CPEB1: variants seen among roughly 807,000 people sequenced by gnomAD.
The protein encoded by CPEB1 is cytoplasmic polyadenylation element binding protein 1, also known as cytoplasmic polyadenylation element-binding protein 1.
CPEB1 carries 7 observed loss-of-function variants against 65.8 expected under a neutral mutation model. The ratio of observed to expected loss-of-function variants is 0.11; its 90% CI spans 0.06 to 0.20. The LOEUF (loss-of-function observed/expected upper bound fraction) is 0.20. CPEB1 is among the 10% of genes least tolerant of loss of function. The pLI is 1.00. For synonymous variants in CPEB1, 262 were observed against 260.0 expected (o/e 1.01, Z -0.08); for missense variants, 551 against 712.2 (o/e 0.77, Z 2.58).
chr15:82,599,122 G>C (rs2042898161), intron 3 of CPEB1, among the ~76,000 whole-genome samples: 1 of 152,146 alleles, frequency 6.6e-6, no homozygotes, highest in Non-Finnish European at 1.5e-5. Context: ...CTGATTGGTA[G>C]AATGTTCACA....
At chr15:82,624,333 C>T (rs1298835142) in intron 3 of CPEB1, among the ~76,000 whole-genome samples, 1 of 152,136 alleles carries the variant, frequency 6.6e-6, no homozygotes, top group Admixed American at 6.5e-5. Flanking sequence ...TCCTTGAGTT[C>T]CCTTAAATCT....
intron 12 of CPEB1, among the ~76,000 whole-genome samples, chr15:82,545,153 C>T (rs1051528810): frequency 2.0e-5 from 3 of 152,170 alleles, no homozygotes; most frequent in East Asian, 1.9e-4. Flanking sequence ...TCAGTCTAGT[C>T]CCATCTCTTG....
rs976473226 is a variant in CPEB1, at chr15:82,548,688, C to G, written c.1480+772G>C. On this transcript the variant is annotated intron_variant, in intron 10 of 12. Coordinates refer to ENST00000684509, the MANE Select transcript of CPEB1 (RefSeq NM_001365242.1). ...GCACTCTGGAGACCTATTAAGAGAG[C>G]TGGAAGAAGCCCCATCCTGCCAAGT... is the stretch of plus-strand genomic sequence containing the variant. The G allele has an allele frequency of 8.8e-6, 4 of 455,584 alleles. No individual in the cohort carries two copies. The Admixed American group carries it at 9.4e-5, about 11-fold the overall frequency. 28.2% of individuals were successfully genotyped at this position (455,584 alleles called of 1,614,324 possible). A position where few individuals can be genotyped will look rare whatever the true frequency, so the allele number is the denominator to read the frequency against.
intron 3 of CPEB1, among the ~76,000 whole-genome samples, chr15:82,615,494 T>C (rs2044624747): frequency 6.6e-6 from 1 of 152,136 alleles, no homozygotes; most frequent in African/African-American, 2.4e-5. Flanking sequence ...TTATATAATA[T>C]GCATGGAATG....
chr15:82,566,841 T>C (rs2039211908), intron 4 of CPEB1, among the ~76,000 whole-genome samples: 1 of 152,102 alleles, frequency 6.6e-6, no homozygotes, highest in Admixed American at 6.6e-5. Context: ...CTCCACTGTA[T>C]GATGAAAACT....
chr15:82,609,623 T>C (rs1397526609), intron 3 of CPEB1, among the ~76,000 whole-genome samples: 3 of 150,600 alleles, frequency 2.0e-5, no homozygotes, highest in African/African-American at 7.3e-5. Context: ...GTCGAAATAA[T>C]GTCTAGAAAA....
intron 3 of CPEB1, among the ~76,000 whole-genome samples, chr15:82,621,208 T>C (rs934188404): frequency 6.6e-6 from 1 of 152,046 alleles, no homozygotes; most frequent in African/African-American, 2.4e-5. Flanking sequence ...AGTCAAAAAT[T>C]CAACATTAGT....
At chr15:82,554,405 T>A (rs1479553489) in intron 6 of CPEB1, among the ~76,000 whole-genome samples, 4 of 152,198 alleles carry the variant, frequency 2.6e-5, no homozygotes, top group African/African-American at 9.6e-5. Flanking sequence ...ATGGGCCTTC[T>A]CCCCAATGTT....
chr15:82,544,736 C>T, intron 12 of CPEB1, 34 bp from the exon 13 acceptor site: 1 of 1,506,082 alleles, frequency 6.6e-7, no homozygotes, highest in Non-Finnish European at 9.2e-7. Context: ...GGATGCCATG[C>T]CTGTGTCAGC....
At position 82,554,009 on chromosome 15, in the gene CPEB1, GA is replaced by G. The variant is rs771946311; in HGVS notation, c.941-19del. On this transcript the variant is annotated intron_variant, in intron 6 of 12. Transcript: ENST00000684509. ...ATTCACAGCTTTGGTAGATGGCAAA[GA>G]GATAAACAGGGGAGGTTAGAGAATC... 1.8e-4 allele frequency: 257 copies of G among 1,466,832 alleles called. No homozygotes were observed. The highest frequency in any genetic ancestry group is 2.4e-4 in the Non-Finnish European group (250 of 1,059,926). 90.9% of individuals were successfully genotyped at this position (1,466,832 alleles called of 1,614,324 possible). A position where few individuals can be genotyped will look rare whatever the true frequency, so the allele number is the denominator to read the frequency against.
At chr15:82,586,764 T>G (rs760570228) in intron 3 of CPEB1, among the ~76,000 whole-genome samples, 22 of 152,218 alleles carry the variant, frequency 1.4e-4, no homozygotes, top group Non-Finnish European at 2.9e-5. Flanking sequence ...TACACTCCCC[T>G]CTATACTTAG....
At chr15:82,643,601 C>G (rs141421865) in intron 1 of CPEB1, among the ~76,000 whole-genome samples, 1 of 151,076 alleles carries the variant, frequency 6.6e-6, no homozygotes, top group African/African-American at 2.4e-5. Flanking sequence ...TGCACTCCAG[C>G]TTGGGCAACA....
chr15:82,638,912 A>G (rs2046881076), intron 1 of CPEB1, among the ~76,000 whole-genome samples: 1 of 152,230 alleles, frequency 6.6e-6, no homozygotes, highest in African/African-American at 2.4e-5. Flanking sequence ...GTTTAATGGC[A>G]TTGCCCTGAT....
At chr15:82,565,324 A>G (rs943376011) in intron 4 of CPEB1, among the ~76,000 whole-genome samples, 5 of 152,316 alleles carry the variant, frequency 3.3e-5, no homozygotes, top group African/African-American at 9.6e-5. Context: ...GACAAAGGGA[A>G]GTGGGGGGAC....
chr15:82,565,182 A>C lies in CPEB1; in HGVS notation c.460+6162T>G, dbSNP rs149585041. Among the ~76,000 whole-genome samples the C allele has an allele frequency of 5.5e-3, 831 of 152,288 alleles. 3 individuals are homozygous for C. Among genetic ancestry groups the C allele is most frequent in the Admixed American group, 0.012 (184 of 15,296 alleles). ...ACAAGTGAATTTTGTGGAAACTGCC[A>C]CCCATGGTCAGATGCCCTAGAGTGA... On this transcript the variant is annotated intron_variant, in intron 4 of 12. Coordinates refer to ENST00000684509, the MANE Select transcript of CPEB1 (RefSeq NM_001365242.1).
chr15:82,573,919 T>C (rs1250294756), intron 3 of CPEB1, among the ~76,000 whole-genome samples: 4 of 152,098 alleles, frequency 2.6e-5, no homozygotes, highest in Non-Finnish European at 5.9e-5. Context: ...GTGAAAGCCA[T>C]GACTGCACCA....
chr15:82,561,856 C>G (rs1326032976), intron 4 of CPEB1, among the ~76,000 whole-genome samples: 3 of 152,194 alleles, frequency 2.0e-5, no homozygotes, highest in African/African-American at 7.2e-5. Context: ...AAAACCCACG[C>G]TGGTCACTAA....
chr15:82,640,659 C>T (rs2047028704), intron 1 of CPEB1: 1 of 152,102 alleles, frequency 6.6e-6, no homozygotes, highest in Non-Finnish European at 1.5e-5. Flanking sequence ...TAACATACCT[C>T]AGATAGATAC....
At chr15:82,628,321 T>C (rs575752196) in intron 2 of CPEB1, 43 bp downstream of exon 2, 2 of 702,456 alleles carry the variant, frequency 2.8e-6, no homozygotes, top group East Asian at 5.4e-5. Flanking sequence ...GGAGTGAAGA[T>C]TTCCAAGACA....
Sources: allele counts gnomAD v4.1 joint callset (sites outside exome capture counted in the v4.1 genomes callset), GRCh38; gene constraint gnomAD v4.1.1; transcripts MANE v1.5; gene names NCBI Gene and HGNC (gene_info 2026-07-23, HGNC 2026-07-21).